BBX: variants seen among roughly 807,000 people sequenced by gnomAD.
BBX encodes HMG box transcription factor BBX.
Under a neutral mutation model 100.2 loss-of-function variants are expected in BBX, and 30 were observed. That is an observed-to-expected ratio of 0.30 (90% confidence interval 0.22 to 0.41). The LOEUF (loss-of-function observed/expected upper bound fraction) is 0.41. Among genes scored for constraint, BBX ranks in the 10% least tolerant of loss-of-function variants. The pLI, the probability that BBX is intolerant of heterozygous loss-of-function variation, is 1.00. For missense variants in BBX, 1,023 were observed against 1,129.8 expected, an observed-to-expected ratio of 0.91 and a Z score of 1.35; for synonymous variants, 376 against 388.1, an observed-to-expected ratio of 0.97 and a Z score of 0.37.
chr3:107,625,872 G>C (rs2056131402), intron 2 of BBX, among the ~76,000 whole-genome samples: 1 of 152,026 alleles, frequency 6.6e-6, no homozygotes, highest in Admixed American at 6.5e-5. Flanking sequence ...GTGCAGGTTT[G>C]TTACATGTAA....
chr3:107,692,317 G>T (rs141197988), intron 3 of BBX, among the ~76,000 whole-genome samples: 1 of 151,894 alleles, frequency 6.6e-6, no homozygotes, highest in Admixed American at 6.6e-5. Flanking sequence ...CTAGCATTAC[G>T]TATACCTCTC....
chr3:107,721,250 T>G (rs1449432231), intron 5 of BBX, among the ~76,000 whole-genome samples: 1 of 152,118 alleles, frequency 6.6e-6, no homozygotes, highest in Non-Finnish European at 1.5e-5. Flanking sequence ...GGAATCACTT[T>G]ATGATCTGTG....
chr3:107,797,730 G>A (rs1018481175), intron 15 of BBX, among the ~76,000 whole-genome samples: 4 of 152,148 alleles, frequency 2.6e-5, no homozygotes, highest in Non-Finnish European at 4.4e-5. Context: ...CCCAATCTGT[G>A]TAAACCAGGA....
chr3:107,696,945 A>G (rs1186059496), intron 3 of BBX, among the ~76,000 whole-genome samples: 1 of 151,380 alleles, frequency 6.6e-6, no homozygotes, highest in East Asian at 1.9e-4. Context: ...CATTTCATTC[A>G]TTTCATCTTC....
At chr3:107,792,196 C>T (rs1215406726) in intron 15 of BBX, among the ~76,000 whole-genome samples, 3 of 152,182 alleles carry the variant, frequency 2.0e-5, no homozygotes, top group Non-Finnish European at 4.4e-5. Context: ...CTCCCTTCTT[C>T]CTGTTGATTC....
chr3:107,550,750 T>C (rs565542350), intron 2 of BBX, among the ~76,000 whole-genome samples: 152 of 152,144 alleles, frequency 1.0e-3, no homozygotes, highest in African/African-American at 3.6e-3. Flanking sequence ...ACTGGTGACA[T>C]TGGAGCAGGG....
At chr3:107,752,676 C>T (rs960737839) in intron 9 of BBX, among the ~76,000 whole-genome samples, 1 of 152,148 alleles carries the variant, frequency 6.6e-6, no homozygotes, top group African/African-American at 2.4e-5. Flanking sequence ...TGTAGCTAGA[C>T]TTTATGGATG....
intron 2 of BBX, among the ~76,000 whole-genome samples, chr3:107,580,091 A>C (rs1018879648): frequency 3.9e-5 from 6 of 152,080 alleles, no homozygotes; most frequent in Non-Finnish European, 7.4e-5. Context: ...TTTATGTAAA[A>C]TTTGACTTAC....
chr3:107,604,963 C>T (rs953114113), intron 2 of BBX, among the ~76,000 whole-genome samples: 2 of 152,018 alleles, frequency 1.3e-5, no homozygotes, highest in African/African-American at 4.8e-5. Flanking sequence ...TTACAGTGTG[C>T]CTTTTGATTC....
intron 3 of BBX, among the ~76,000 whole-genome samples, chr3:107,654,493 G>T (rs1290774427): frequency 6.6e-6 from 1 of 151,518 alleles, no homozygotes; most frequent in Non-Finnish European, 1.5e-5. Flanking sequence ...AGTTTATTAT[G>T]TGCCTCTGAA....
intron 2 of BBX, among the ~76,000 whole-genome samples, chr3:107,624,092 G>T (rs907310688): frequency 6.6e-6 from 1 of 152,164 alleles, no homozygotes; most frequent in Non-Finnish European, 1.5e-5. Flanking sequence ...GGCTGCCAGG[G>T]TTCAATCATG....
chr3:107,595,860 C>T lies in BBX; in HGVS notation c.-83-49976C>T, dbSNP rs780884066. ...AAAGTCTGTGTGTAACTTTTGACTC[C>T]GCCAAAACTTAAATAGCCTACTATT... On this transcript the variant is annotated intron_variant, in intron 2 of 17. Coordinates refer to ENST00000325805, the MANE Select transcript of BBX (RefSeq NM_001142568.3). Among the ~76,000 whole-genome samples, 6 of 152,098 alleles carry T rather than the reference C, an allele frequency of 3.9e-5. No individual in the cohort carries two copies. The South Asian group carries it at 6.2e-4, about 16-fold the overall frequency.
In BBX at chr3:107,651,601, C is replaced by T. The variant is rs73206950; in HGVS notation, c.-10+5692C>T. On this transcript the variant is annotated intron_variant, in intron 3 of 17. Transcript: ENST00000325805. ...AATTCACATTTTGTAAGGCAATATT[C>T]TTTTACTTTGTGAATCAGTTGAGAA... Among the ~76,000 whole-genome samples the T allele has an allele frequency of 5.2e-3, 786 of 152,006 alleles. 2 individuals are homozygous for T. The highest frequency in any genetic ancestry group is 7.6e-3 in the Non-Finnish European group (519 of 67,958).
chr3:107,753,649 A>G (rs1191579591), intron 9 of BBX, among the ~76,000 whole-genome samples: 1 of 152,200 alleles, frequency 6.6e-6, no homozygotes, highest in Non-Finnish European at 1.5e-5. Flanking sequence ...GGCACAGGAT[A>G]TGTGGGAGTG....
chr3:107,646,749 A>C (rs1267141601), intron 3 of BBX, among the ~76,000 whole-genome samples: 1 of 152,104 alleles, frequency 6.6e-6, no homozygotes, highest in Non-Finnish European at 1.5e-5. Context: ...CAGGAAAGGA[A>C]CTTATTCTTT....
At chr3:107,578,901 G>C (rs2052038478) in intron 2 of BBX, among the ~76,000 whole-genome samples, 2 of 152,172 alleles carry the variant, frequency 1.3e-5, no homozygotes, top group Non-Finnish European at 2.9e-5. Context: ...GGCAGTTGCA[G>C]GCGGCAGCTA....
At chr3:107,576,374 T>C (rs760283106) in intron 2 of BBX, among the ~76,000 whole-genome samples, 14 of 152,250 alleles carry the variant, frequency 9.2e-5, no homozygotes, top group Non-Finnish European at 1.6e-4. Context: ...ACACTACTTA[T>C]ATTTTGTTGA....
chr3:107,676,638 G>A (rs2059295061), intron 3 of BBX, among the ~76,000 whole-genome samples: 1 of 152,130 alleles, frequency 6.6e-6, no homozygotes, highest in Non-Finnish European at 1.5e-5. Context: ...GTGTTATGCA[G>A]CCATTATAGG....
At chr3:107,730,164 T>C (rs1284235367) in intron 6 of BBX, among the ~76,000 whole-genome samples, 1 of 152,188 alleles carries the variant, frequency 6.6e-6, no homozygotes, top group East Asian at 1.9e-4. Flanking sequence ...TGGGTGTCTG[T>C]AGTGTAATTC....
Sources: gnomAD v4.1 joint callset for allele counts (sites outside exome capture counted in the v4.1 genomes callset) on GRCh38, gnomAD v4.1.1 for gene constraint, MANE v1.5 for transcripts, NCBI Gene and HGNC (gene_info 2026-07-23, HGNC 2026-07-21) for gene names.